CDH12: variants seen among roughly 807,000 people sequenced by gnomAD.
The protein encoded by CDH12 is cadherin-12.
A neutral mutation model predicts 74.1 loss-of-function variants in CDH12; 41 were observed. That is an observed-to-expected ratio of 0.55 (90% CI 0.43 to 0.72). The LOEUF is 0.72. Among genes scored for constraint, CDH12 ranks in the 30% least tolerant of loss-of-function variants. CDH12 has a pLI of 0.00. For missense variants in CDH12, 945 were observed against 977.2 expected (o/e 0.97, Z 0.44); for synonymous variants, 399 against 355.0 (o/e 1.12, Z -1.39).
chr5:21,980,113 C>T lies in CDH12; in HGVS notation c.232-4728G>A, dbSNP rs139261187. On this transcript the variant is annotated intron_variant, in intron 5 of 14. Transcript: ENST00000382254. ...TTGAGAAGTGTCTGTTCATGTCCTT[C>T]GCCCACTTCATGTACCCTAAAACTT... 1.7e-4 allele frequency among the ~76,000 whole-genome samples: 26 copies of T among 150,086 alleles called. No homozygotes were observed. In the East Asian group the frequency reaches 2.9e-3, roughly 17 times the overall value.
At chr5:22,591,235 T>G (rs1374458701) in intron 1 of CDH12, among the ~76,000 whole-genome samples, 1 of 152,208 alleles carries the variant, frequency 6.6e-6, no homozygotes, top group Non-Finnish European at 1.5e-5. Flanking sequence ...ATTTTATTCT[T>G]TTTTGGATGC....
chr5:22,470,619 C>A (rs190833273), intron 2 of CDH12, among the ~76,000 whole-genome samples: 70 of 151,990 alleles, frequency 4.6e-4, no homozygotes, highest in South Asian at 4.2e-4. Context: ...TAAGGTCTTG[C>A]TATGTTTCCC....
intron 1 of CDH12, among the ~76,000 whole-genome samples, chr5:22,577,051 A>G (rs1271144565): frequency 6.6e-6 from 1 of 152,216 alleles, no homozygotes; most frequent in African/African-American, 2.4e-5. Flanking sequence ...AACATGGAAC[A>G]TTTGTCCATC....
chr5:22,319,706 C>G (rs948803340), intron 3 of CDH12, among the ~76,000 whole-genome samples: 1 of 152,062 alleles, frequency 6.6e-6, no homozygotes, highest in Admixed American at 6.6e-5. Context: ...ATTTTTCTTT[C>G]ATATTTGTTT....
At chr5:22,841,274 A>G (rs1042504246) in intron 1 of CDH12, among the ~76,000 whole-genome samples, 3 of 152,184 alleles carry the variant, frequency 2.0e-5, no homozygotes, top group Non-Finnish European at 2.9e-5. Flanking sequence ...CTGGCAAATT[A>G]GATATGCAAT....
In CDH12 at chr5:22,631,914, A is replaced by T. The variant is rs149600792; in HGVS notation, c.-522-126550T>A. On this transcript the variant is annotated intron_variant, in intron 1 of 14. Transcript: ENST00000382254. ...CCAAGGGGTCGGTGTTAAACCATTTATGAAGGATGTAACCCCACGATCCAA... is the reference window on the plus strand; with the variant it reads ...CCAAGGGGTCGGTGTTAAACCATTTTTGAAGGATGTAACCCCACGATCCAA... Among the ~76,000 whole-genome samples the T allele has an allele frequency of 3.6e-3, 548 of 152,236 alleles. 1 individual carries two copies. The highest frequency in any genetic ancestry group is 0.01 in the African/African-American group (422 of 41,536).
intron 1 of CDH12, chr5:22,580,682 G>C (rs949661064): frequency 4.0e-4 from 156 of 394,510 alleles, no homozygotes; most frequent in African/African-American, 2.9e-3. Context: ...TCAAGTGGAG[G>C]AGGCATTTTA....
chr5:21,783,818 A>G (rs1561181568), intron 10 of CDH12, among the ~76,000 whole-genome samples: 1 of 152,142 alleles, frequency 6.6e-6, no homozygotes, highest in Non-Finnish European at 1.5e-5. Context: ...AGCAGTAAAA[A>G]ATTCCTTAAC....
At chr5:22,019,961 G>A (rs561093697) in intron 5 of CDH12, among the ~76,000 whole-genome samples, 2 of 152,160 alleles carry the variant, frequency 1.3e-5, no homozygotes, top group South Asian at 2.1e-4. Context: ...TAGTCCAATG[G>A]CACTGGACCA....
At chr5:22,751,924 A>G (rs4358493) in intron 1 of CDH12, among the ~76,000 whole-genome samples, 4 of 151,666 alleles carry the variant, frequency 2.6e-5, no homozygotes, top group Non-Finnish European at 5.9e-5. Context: ...TTTCGGCAGT[A>G]TTCTCAGAGT....
At chr5:21,907,127 G>A (rs937393627) in intron 6 of CDH12, among the ~76,000 whole-genome samples, 2 of 152,180 alleles carry the variant, frequency 1.3e-5, no homozygotes, top group Non-Finnish European at 2.9e-5. Context: ...ATAAACTCCA[G>A]CAACATCCCC....
chr5:22,383,614 G>C (rs547820130), intron 3 of CDH12, among the ~76,000 whole-genome samples: 25 of 152,226 alleles, frequency 1.6e-4, no homozygotes, highest in Non-Finnish European at 3.4e-4. Context: ...CTTTCTTACT[G>C]GGCATTGCTG....
chr5:22,141,907 A>G (rs1746821240), intron 4 of CDH12, among the ~76,000 whole-genome samples: 1 of 152,200 alleles, frequency 6.6e-6, no homozygotes. Flanking sequence ...GTGCTATTAT[A>G]CTCAAACATC....
At chr5:22,079,453 G>A (rs1268074305) in intron 4 of CDH12, among the ~76,000 whole-genome samples, 3 of 152,148 alleles carry the variant, frequency 2.0e-5, no homozygotes, top group African/African-American at 7.2e-5. Flanking sequence ...AGTTCCTGAA[G>A]TTAGAGAATA....
At chr5:22,355,491 GGAGA>G (rs908714107) in intron 3 of CDH12, among the ~76,000 whole-genome samples, 3 of 133,544 alleles carry the variant, frequency 2.2e-5, no homozygotes. Context: ...TATTTTTGAA[GGAGA>G]GAGATATATA....
At chr5:22,474,196 C>T (rs920701516) in intron 2 of CDH12, among the ~76,000 whole-genome samples, 5 of 152,062 alleles carry the variant, frequency 3.3e-5, no homozygotes, top group Admixed American at 6.6e-5. Flanking sequence ...CTGATGACTT[C>T]GTCAGAGAGT....
At chr5:22,819,778 T>C (rs1749574876) in intron 1 of CDH12, among the ~76,000 whole-genome samples, 1 of 150,832 alleles carries the variant, frequency 6.6e-6, no homozygotes, top group African/African-American at 2.4e-5. Flanking sequence ...GAATAAATGG[T>C]CATAGAAAAA....
chr5:22,821,172 C>A (rs1161281908), intron 1 of CDH12, among the ~76,000 whole-genome samples: 2 of 152,028 alleles, frequency 1.3e-5, no homozygotes, highest in Non-Finnish European at 2.9e-5. Context: ...AGGCCTTTGA[C>A]AAAATTCAAC....
intron 1 of CDH12, among the ~76,000 whole-genome samples, chr5:22,596,425 G>A (rs1736610968): frequency 6.6e-6 from 1 of 152,162 alleles, no homozygotes; most frequent in Non-Finnish European, 1.5e-5. Flanking sequence ...TGGGCAACAA[G>A]AGTGAAACTC....
Sources: gnomAD v4.1 joint callset for allele counts (sites outside exome capture counted in the v4.1 genomes callset) on GRCh38, gnomAD v4.1.1 for gene constraint, MANE v1.5 for transcripts, NCBI Gene and HGNC (gene_info 2026-07-23, HGNC 2026-07-21) for gene names.